DAPP1: variants seen among roughly 807,000 people sequenced by gnomAD.
DAPP1 encodes dual adaptor of phosphotyrosine and 3-phosphoinositides 1, also known as dual adapter for phosphotyrosine and 3-phosphotyrosine and 3-phosphoinositide.
A neutral mutation model predicts 41.5 loss-of-function variants in DAPP1; 20 were observed. The observed-to-expected ratio is 0.48, with a 90% CI of 0.34 to 0.70. The LOEUF (loss-of-function observed/expected upper bound fraction) is 0.70. Ranked by LOEUF, DAPP1 falls within the 30% of genes least tolerant of loss-of-function variation. The pLI, the probability that DAPP1 is intolerant of heterozygous loss-of-function variation, is 0.01. For missense variants in DAPP1, 233 were observed against 333.4 expected (o/e 0.70, Z 2.35); for synonymous variants, 113 against 116.2 (o/e 0.97, Z 0.18).
chr4:99,821,115 C>T (rs1040561264), intron 1 of DAPP1, among the ~76,000 whole-genome samples: 1 of 152,206 alleles, frequency 6.6e-6, no homozygotes, highest in African/African-American at 2.4e-5. Flanking sequence ...AGGTTGCCTA[C>T]AGTCTCTGAG....
chr4:99,862,397 G>A (rs567492011), intron 5 of DAPP1, among the ~76,000 whole-genome samples: 16 of 152,226 alleles, frequency 1.1e-4, no homozygotes, highest in African/African-American at 3.1e-4. Context: ...AGGTAACAGC[G>A]GGCAATGATG....
At chr4:99,833,469 A>G (rs1259210640) in intron 1 of DAPP1, among the ~76,000 whole-genome samples, 1 of 152,206 alleles carries the variant, frequency 6.6e-6, no homozygotes, top group Non-Finnish European at 1.5e-5. Flanking sequence ...TTCCTTCCAC[A>G]GGTGCACTTA....
chr4:99,818,220 A>T, intron 1 of DAPP1, among the ~76,000 whole-genome samples: 1 of 152,222 alleles, frequency 6.6e-6, no homozygotes, highest in East Asian at 1.9e-4. Flanking sequence ...CTTATTAGGA[A>T]GCCAGAGCTC....
At chr4:99,832,970 G>C (rs775262402) in intron 1 of DAPP1, among the ~76,000 whole-genome samples, 5 of 152,186 alleles carry the variant, frequency 3.3e-5, no homozygotes, top group Non-Finnish European at 5.9e-5. Context: ...GAATCCAAAG[G>C]AATGTCCAAA....
At chr4:99,863,586 AAGGC>A (rs1560709640) in intron 6 of DAPP1, among the ~76,000 whole-genome samples, 180 bp from the exon 7 acceptor site, 2 of 152,178 alleles carry the variant, frequency 1.3e-5, no homozygotes, top group African/African-American at 2.4e-5. Context: ...AGTTTTATGA[AAGGC>A]TCATTCCAAA....
intron 1 of DAPP1, among the ~76,000 whole-genome samples, chr4:99,821,234 G>A (rs1000700575): frequency 1.3e-5 from 2 of 152,218 alleles, no homozygotes; most frequent in East Asian, 1.9e-4. Flanking sequence ...CCATTCACAC[G>A]CATAATGCCA....
intron 4 of DAPP1, 31 bp downstream of exon 4, chr4:99,853,379 T>G: frequency 6.3e-7 from 1 of 1,585,820 alleles, no homozygotes; most frequent in Non-Finnish European, 8.6e-7. Context: ...CCACAAGCTC[T>G]CTCCCTGTCT....
At chr4:99,835,047 T>C (rs370571668) in intron 1 of DAPP1, among the ~76,000 whole-genome samples, 1 of 151,302 alleles carries the variant, frequency 6.6e-6, no homozygotes, top group East Asian at 1.9e-4. Context: ...TGCACTCTGT[T>C]ACCCAGGCTG....
chr4:99,828,990 G>A (rs1723033292), intron 1 of DAPP1, among the ~76,000 whole-genome samples: 2 of 152,090 alleles, frequency 1.3e-5, no homozygotes, highest in Non-Finnish European at 2.9e-5. Context: ...AATGAGACTA[G>A]AAGAATTTTT....
intron 1 of DAPP1, among the ~76,000 whole-genome samples, chr4:99,826,195 G>T (rs1488967160): frequency 1.3e-5 from 2 of 152,198 alleles, no homozygotes; most frequent in Non-Finnish European, 2.9e-5. Flanking sequence ...ACATCAATTA[G>T]CTGTGCCATG....
intron 1 of DAPP1, among the ~76,000 whole-genome samples, chr4:99,820,344 C>A (rs1259635098): frequency 2.0e-5 from 3 of 152,176 alleles, no homozygotes; most frequent in Non-Finnish European, 4.4e-5. Context: ...TCCAGCAATT[C>A]TTTGGCTTTA....
intron 1 of DAPP1, among the ~76,000 whole-genome samples, chr4:99,823,975 T>A (rs1722857097): frequency 6.6e-6 from 1 of 152,236 alleles, no homozygotes; most frequent in Non-Finnish European, 1.5e-5. Context: ...TTGAAAACCT[T>A]AATGTCTCAC....
intron 1 of DAPP1, among the ~76,000 whole-genome samples, chr4:99,826,023 T>C (rs1275383374): frequency 1.3e-5 from 2 of 152,290 alleles, no homozygotes; most frequent in African/African-American, 2.4e-5. Context: ...TATGAACAAA[T>C]GAGCATGAAT....
Position 99,840,407 on chromosome 4 carries a change from A to G in DAPP1, c.343A>G (p.Ile115Val). The change falls in exon 3 of 9, where the codon ATT becomes GTT. Residue 115 changes from isoleucine to valine, a missense_variant. By Grantham distance (29) the Ile-to-Val change is conservative (BLOSUM62 3). Coordinates refer to ENST00000512369, the MANE Select transcript of DAPP1 (RefSeq NM_014395.3). ...CAAGCATTTTGCAAATCAGCCTTTG[A>G]TTGGAAGCGAGACAGGTAAGCTATG... ...FVKHFANQPLIGSETGTLMVL... is the reference protein window; with the variant it reads ...FVKHFANQPLVGSETGTLMVL... 1 of 1,611,524 alleles carries G rather than the reference A, an allele frequency of 6.2e-7. No individual in the cohort carries two copies. The highest frequency in any genetic ancestry group is 8.5e-7 in the Non-Finnish European group (1 of 1,179,240).
At chr4:99,850,440 T>A (rs187746674) in intron 3 of DAPP1, among the ~76,000 whole-genome samples, 5 of 152,222 alleles carry the variant, frequency 3.3e-5, no homozygotes, top group Admixed American at 2.0e-4. Context: ...GGTATTATTA[T>A]GTGAAGTGTG....
intron 4 of DAPP1, among the ~76,000 whole-genome samples, chr4:99,856,896 G>A (rs1003590787): frequency 6.6e-6 from 1 of 152,220 alleles, no homozygotes; most frequent in African/African-American, 2.4e-5. Flanking sequence ...GAGGAACCCT[G>A]AGCCTTGGGA....
At chr4:99,835,483 T>C in intron 1 of DAPP1, 140 bp from the exon 2 acceptor site, 1 of 1,222,542 alleles carries the variant, frequency 8.2e-7, no homozygotes, top group Non-Finnish European at 1.1e-6. Context: ...TTCCTTGTCC[T>C]AATGTTGGGG....
intron 1 of DAPP1, among the ~76,000 whole-genome samples, chr4:99,829,728 A>G (rs1355805112): frequency 1.3e-5 from 2 of 152,176 alleles, no homozygotes; most frequent in African/African-American, 4.8e-5. Flanking sequence ...AGAAGTTTTT[A>G]AAGTGTTCTA....
chr4:99,818,333 T>G (rs950017718), intron 1 of DAPP1, among the ~76,000 whole-genome samples: 1 of 152,226 alleles, frequency 6.6e-6, no homozygotes, highest in African/African-American at 2.4e-5. Flanking sequence ...AAGCTAAAGC[T>G]GAACTGTGGC....
Sources: allele counts gnomAD v4.1 joint callset (sites outside exome capture counted in the v4.1 genomes callset), GRCh38; gene constraint gnomAD v4.1.1; transcripts MANE v1.5; gene names NCBI Gene and HGNC (gene_info 2026-07-23, HGNC 2026-07-21).